Variants in SLC35F1 observed in about 807,000 individuals in gnomAD.
SLC35F1 encodes chromosome 6 open reading frame 169.
In SLC35F1, 14 loss-of-function variants were observed where a neutral mutation model predicts 48.7. The observed-to-expected ratio is 0.29, with a 90% CI of 0.19 to 0.45. The LOEUF (loss-of-function observed/expected upper bound fraction) is 0.45, where lower values mean the gene tolerates loss of function less well. Among genes scored for constraint, SLC35F1 ranks in the 20% least tolerant of loss-of-function variants. The pLI is 1.00. For synonymous variants in SLC35F1, 190 were observed against 202.2 expected (o/e 0.94, Z 0.51); for missense variants, 404 against 500.0 (o/e 0.81, Z 1.83).
At chr6:118,141,536 G>T (rs1410436443) in intron 1 of SLC35F1, among the ~76,000 whole-genome samples, 2 of 152,172 alleles carry the variant, frequency 1.3e-5, no homozygotes, top group Non-Finnish European at 2.9e-5. Context: ...TCCAAGATCA[G>T]GGTGCTAGGA....
chr6:118,125,386 G>T (rs188594104), intron 1 of SLC35F1, among the ~76,000 whole-genome samples: 1 of 141,544 alleles, frequency 7.1e-6, no homozygotes, highest in African/African-American at 2.6e-5. Flanking sequence ...TGGGGGGGGG[G>T]ATCAGATACT....
chr6:118,102,576 T>G (rs182298794), intron 1 of SLC35F1, among the ~76,000 whole-genome samples: 2 of 152,332 alleles, frequency 1.3e-5, no homozygotes, highest in East Asian at 3.9e-4. Flanking sequence ...ATTAAAAATG[T>G]CTGTGGATGC....
In SLC35F1 at chr6:117,923,715, A is replaced by ATG. The variant is rs1775962274; in HGVS notation, c.173+15817_173+15818insGT. Among the ~76,000 whole-genome samples the ATG allele has an allele frequency of 2.6e-4, 2 of 7,760 alleles. 1 individual carries two copies. Among genetic ancestry groups the ATG allele is most frequent in the African/African-American group, 8.3e-4 (2 of 2,406 alleles). The allele number at this position is 7,760 out of a possible 152,430, so 5.1% of individuals were successfully genotyped here. A position where few individuals can be genotyped will look rare whatever the true frequency, so the allele number is the denominator to read the frequency against. On this transcript the variant is annotated intron_variant, in intron 1 of 7. Coordinates refer to ENST00000360388, the MANE Select transcript of SLC35F1 (RefSeq NM_001029858.4). ...TGTACATATACATATATGTACATAT[A>ATG]TACATATATACATATGTATATATAC...
intron 3 of SLC35F1, among the ~76,000 whole-genome samples, chr6:118,258,529 G>A (rs1775673577): frequency 6.6e-6 from 1 of 151,948 alleles, no homozygotes; most frequent in Admixed American, 6.6e-5. Context: ...AGATGGGCAG[G>A]GATGTTGAAG....
At chr6:117,942,265 T>C (rs1439405253) in intron 1 of SLC35F1, among the ~76,000 whole-genome samples, 1 of 152,130 alleles carries the variant, frequency 6.6e-6, no homozygotes, top group Non-Finnish European at 1.5e-5. Flanking sequence ...TCTATTGTTG[T>C]TACAGAATAT....
At chr6:117,951,552 A>C (rs1481555636) in intron 1 of SLC35F1, among the ~76,000 whole-genome samples, 1 of 152,236 alleles carries the variant, frequency 6.6e-6, no homozygotes, top group African/African-American at 2.4e-5. Flanking sequence ...ACTCCAAGAA[A>C]ACACAATAAT....
At chr6:118,101,375 CACAGA>C (rs1053931603) in intron 1 of SLC35F1, among the ~76,000 whole-genome samples, 2 of 152,138 alleles carry the variant, frequency 1.3e-5, no homozygotes, top group African/African-American at 4.8e-5. Flanking sequence ...AATTGAAGGC[CACAGA>C]ACTCTGCCTT....
intron 3 of SLC35F1, among the ~76,000 whole-genome samples, chr6:118,252,515 C>T (rs549869220): frequency 1.3e-4 from 20 of 152,178 alleles, no homozygotes; most frequent in Middle Eastern, 3.4e-3. Flanking sequence ...TCAAAGCATT[C>T]TGCTTTGGTC....
chr6:118,219,647 G>T (rs578121231), intron 2 of SLC35F1, among the ~76,000 whole-genome samples: 5 of 152,202 alleles, frequency 3.3e-5, no homozygotes, highest in African/African-American at 1.2e-4. Context: ...AATACCATTT[G>T]ACCCAGCCAT....
intron 2 of SLC35F1, among the ~76,000 whole-genome samples, chr6:118,164,214 A>C (rs539474600): frequency 1.4e-4 from 21 of 152,332 alleles, no homozygotes; most frequent in African/African-American, 5.1e-4. Flanking sequence ...GAAAAACATA[A>C]AGGAAATAAC....
At chr6:118,286,659 G>A (rs567397574) in intron 7 of SLC35F1, among the ~76,000 whole-genome samples, 1 of 152,042 alleles carries the variant, frequency 6.6e-6, no homozygotes, top group Admixed American at 6.6e-5. Flanking sequence ...AATAAAAATT[G>A]TACTATATAC....
intron 1 of SLC35F1, among the ~76,000 whole-genome samples, chr6:118,122,322 T>C (rs1226340995): frequency 6.6e-6 from 1 of 151,858 alleles, no homozygotes; most frequent in Non-Finnish European, 1.5e-5. Flanking sequence ...TCAGCTGTGG[T>C]GAACCTGTGA....
Position 117,907,765 on chromosome 6 carries a change from G to A in SLC35F1, c.39G>A (p.Pro13=). Residue 13 remains proline, a synonymous_variant, in exon 1 of 8, where the codon CCG becomes CCA. Transcript: ENST00000360388. ...PPEQPQQQLQ[P]PSPAPPNHVV... is the part of the protein sequence containing the mutation. ...AGCAGCCGCAGCAGCAGCTGCAGCC[G>A]CCGTCGCCAGCCCCGCCGAACCATG... 6.4e-7 allele frequency: 1 copy of A among 1,559,416 alleles called. No homozygotes were observed. Among genetic ancestry groups the A allele is most frequent in the Non-Finnish European group, 8.6e-7 (1 of 1,162,226 alleles).
chr6:118,190,529 G>A (rs943680622), intron 2 of SLC35F1, among the ~76,000 whole-genome samples: 11 of 151,980 alleles, frequency 7.2e-5, no homozygotes, highest in African/African-American at 1.5e-4. Flanking sequence ...CACTCTCAGC[G>A]TGATTTTGGG....
intron 1 of SLC35F1, among the ~76,000 whole-genome samples, chr6:117,973,582 T>G (rs1776670152): frequency 6.6e-6 from 1 of 151,862 alleles, no homozygotes; most frequent in African/African-American, 2.4e-5. Flanking sequence ...TTAATATATA[T>G]TTTTTTGAGA....
At chr6:118,035,046 A>T (rs952402481) in intron 1 of SLC35F1, among the ~76,000 whole-genome samples, 5 of 152,162 alleles carry the variant, frequency 3.3e-5, no homozygotes, top group African/African-American at 1.2e-4. Flanking sequence ...TTGATAAAGA[A>T]TTTGATTTCT....
chr6:118,131,320 A>G (rs1396257963), intron 1 of SLC35F1, among the ~76,000 whole-genome samples: 1 of 152,196 alleles, frequency 6.6e-6, no homozygotes, highest in Non-Finnish European at 1.5e-5. Flanking sequence ...TTTTTATTAA[A>G]GAGTTTTTTG....
At chr6:118,170,906 CT>C (rs1774394396) in intron 2 of SLC35F1, among the ~76,000 whole-genome samples, 1 of 152,014 alleles carries the variant, frequency 6.6e-6, no homozygotes, top group Admixed American at 6.6e-5. Flanking sequence ...CAAAGGAAGT[CT>C]TGTTAAATTT....
chr6:118,227,567 A>T (rs1168230637), intron 2 of SLC35F1, among the ~76,000 whole-genome samples: 1 of 152,206 alleles, frequency 6.6e-6, no homozygotes, highest in East Asian at 1.9e-4. Context: ...CCAGAACCTT[A>T]TGCAATGATG....
Sources: allele counts gnomAD v4.1 joint callset (sites outside exome capture counted in the v4.1 genomes callset), GRCh38; gene constraint gnomAD v4.1.1; transcripts MANE v1.5; gene names NCBI Gene and HGNC (gene_info 2026-07-23, HGNC 2026-07-21).